The following ABI3BP variants were observed in gnomAD, a reference collection of about 807,000 sequenced individuals.
The protein encoded by ABI3BP is target of Nesh-SH3.
A neutral mutation model predicts 268.6 loss-of-function variants in ABI3BP; 216 were observed. That is an observed-to-expected ratio of 0.80 (90% CI 0.72 to 0.90). The LOEUF (loss-of-function observed/expected upper bound fraction) is 0.90. Among genes scored for constraint, ABI3BP ranks in the 40% least tolerant of loss-of-function variants. The pLI is 0.00. For missense variants in ABI3BP, 2,090 were observed against 2,182.4 expected (o/e 0.96, Z 0.84); for synonymous variants, 730 against 730.0 (o/e 1.00, Z 0.00).
At position 100,838,076 on chromosome 3, in the gene ABI3BP, A is replaced by G. The variant is rs538910574; in HGVS notation, c.2083+134T>C. 1.1e-5 allele frequency: 11 copies of G among 995,432 alleles called. No homozygotes were observed. The South Asian group carries it at 1.3e-4, about 11-fold the overall frequency. 61.7% of individuals were successfully genotyped at this position (995,432 alleles called of 1,614,324 possible). ...TAGCACTTAAAACATCAGTGTGGCT[A>G]CTTGGAGAAGATAATGAACAAAATT... On this transcript the variant is annotated intron_variant, in intron 26 of 67. Coordinates refer to ENST00000471714, the MANE Select transcript of ABI3BP (RefSeq NM_001375547.2).
chr3:100,885,039 G>T (rs1366694261), intron 6 of ABI3BP, among the ~76,000 whole-genome samples: 1 of 152,034 alleles, frequency 6.6e-6, no homozygotes, highest in Non-Finnish European at 1.5e-5. Flanking sequence ...AGATTCATGG[G>T]GAAATGCCTG....
At chr3:100,924,007 C>T (rs530616182) in intron 2 of ABI3BP, among the ~76,000 whole-genome samples, 1 of 152,222 alleles carries the variant, frequency 6.6e-6, no homozygotes, top group South Asian at 2.1e-4. Flanking sequence ...CTGTAAAGTA[C>T]TACATTCCCC....
chr3:100,959,489 CAA>C (rs35465693), intron 1 of ABI3BP, among the ~76,000 whole-genome samples: 8 of 36,086 alleles, frequency 2.2e-4, no homozygotes, highest in South Asian at 3.6e-3. Context: ...GACTCCGTCT[CAA>C]AAAAAAAAAA....
At chr3:100,816,900 G>T in intron 42 of ABI3BP, 132 bp from the exon 43 acceptor site, 1 of 665,084 alleles carries the variant, frequency 1.5e-6, no homozygotes, top group Non-Finnish European at 2.5e-6. Flanking sequence ...TTTCTATTTT[G>T]TTAATTTTCT....
At chr3:100,833,482 G>A (rs1029698641) in intron 29 of ABI3BP, among the ~76,000 whole-genome samples, 3 of 152,176 alleles carry the variant, frequency 2.0e-5, no homozygotes, top group Admixed American at 6.5e-5. Context: ...TAATGTGAAA[G>A]TGTAGTTACA....
chr3:100,761,085 G>A (rs531885151), intron 63 of ABI3BP, among the ~76,000 whole-genome samples: 6 of 152,086 alleles, frequency 3.9e-5, no homozygotes, highest in Admixed American at 1.3e-4. Context: ...ATGTCCATGT[G>A]TTCTCCTCAT....
intron 1 of ABI3BP, among the ~76,000 whole-genome samples, chr3:100,943,347 C>G (rs1479546015): frequency 6.6e-6 from 1 of 151,944 alleles, no homozygotes; most frequent in African/African-American, 2.4e-5. Context: ...CTCTTCACCC[C>G]CAAACACTTC....
chr3:100,943,459 G>A (rs778198598), intron 1 of ABI3BP, among the ~76,000 whole-genome samples: 1 of 151,874 alleles, frequency 6.6e-6, no homozygotes, highest in Non-Finnish European at 1.5e-5. Context: ...ATACATTACT[G>A]TTTTCCCCAA....
intron 6 of ABI3BP, among the ~76,000 whole-genome samples, chr3:100,879,569 A>G (rs1338931918): frequency 1.3e-5 from 2 of 152,198 alleles, no homozygotes; most frequent in Non-Finnish European, 2.9e-5. Context: ...ATTTTTTGAC[A>G]AGGACAAATG....
chr3:100,803,920 G>T (rs2097611563), intron 51 of ABI3BP, among the ~76,000 whole-genome samples: 1 of 152,190 alleles, frequency 6.6e-6, no homozygotes, highest in Admixed American at 6.5e-5. Context: ...ATTATAGGAA[G>T]TGAATTCAGG....
intron 2 of ABI3BP, among the ~76,000 whole-genome samples, chr3:100,906,272 C>T (rs1247514746): frequency 2.0e-5 from 3 of 152,150 alleles, no homozygotes; most frequent in Non-Finnish European, 2.9e-5. Flanking sequence ...TTTAAAAATA[C>T]CTTTTGTTAT....
intron 57 of ABI3BP, among the ~76,000 whole-genome samples, chr3:100,780,427 T>C (rs1247572041): frequency 6.6e-6 from 1 of 152,172 alleles, no homozygotes; most frequent in Non-Finnish European, 1.5e-5. Context: ...TAGCATTTCA[T>C]GGTAAATTGT....
intron 63 of ABI3BP, among the ~76,000 whole-genome samples, chr3:100,755,883 AAGAATGC>A: frequency 6.6e-6 from 1 of 152,344 alleles, no homozygotes; most frequent in East Asian, 1.9e-4. Context: ...ATAATTAAAT[AAGAATGC>A]AGAATGCACA....
intron 46 of ABI3BP, 44 bp downstream of exon 46, chr3:100,812,423 G>A: frequency 8.9e-6 from 11 of 1,240,724 alleles, no homozygotes; most frequent in Non-Finnish European, 1.1e-5. Flanking sequence ...GCAATGAGAT[G>A]GAAAAGCACA....
intron 17 of ABI3BP, among the ~76,000 whole-genome samples, chr3:100,849,669 T>C (rs1170788032): frequency 2.6e-5 from 4 of 152,240 alleles, no homozygotes; most frequent in Admixed American, 1.3e-4. Context: ...CAAAGCCTAC[T>C]TGGTGCTCTC....
intron 9 of ABI3BP, 126 bp from the exon 10 acceptor site, chr3:100,867,082 CT>C: frequency 1.5e-6 from 1 of 669,856 alleles, no homozygotes; most frequent in South Asian, 1.9e-5. Context: ...CAGTCAACAA[CT>C]TTATTGTGTA....
chr3:100,780,987 G>A (rs983717092), intron 57 of ABI3BP, among the ~76,000 whole-genome samples: 7 of 152,080 alleles, frequency 4.6e-5, no homozygotes. Context: ...TTGGGTGACA[G>A]TCTTCATTAT....
Position 100,749,219 on chromosome 3 carries a change from G to C in ABI3BP, c.*1276C>G, listed in dbSNP as rs1470564016. ...GGTTAATTTAGGACATAAACAAACA[G>C]TAGATATAATGGGGGTTGGTAGAGC... On this transcript the variant is annotated 3_prime_UTR_variant, in exon 68 of 68. Transcript: ENST00000471714. 3.4e-5 allele frequency: 1 copy of C among 29,024 alleles called. No homozygotes were observed. The highest frequency in any genetic ancestry group is 7.5e-5 in the Non-Finnish European group (1 of 13,398). 1.8% of individuals were successfully genotyped at this position (29,024 alleles called of 1,614,324 possible).
chr3:100,941,921 G>A (rs1471009688), intron 1 of ABI3BP, among the ~76,000 whole-genome samples: 1 of 151,990 alleles, frequency 6.6e-6, no homozygotes, highest in African/African-American at 2.4e-5. Context: ...TTTGAAGTGC[G>A]CTGGGGTTTT....
Sources: allele counts gnomAD v4.1 joint callset (sites outside exome capture counted in the v4.1 genomes callset), GRCh38; gene constraint gnomAD v4.1.1; transcripts MANE v1.5; gene names NCBI Gene and HGNC (gene_info 2026-07-23, HGNC 2026-07-21).